ATP8A1: variants seen among roughly 807,000 people sequenced by gnomAD.
ATP8A1 encodes phospholipid-transporting ATPase IA.
Under a neutral mutation model 177.7 loss-of-function variants are expected in ATP8A1, and 90 were observed. The ratio of observed to expected loss-of-function variants is 0.51; its 90% CI spans 0.43 to 0.60. The LOEUF (loss-of-function observed/expected upper bound fraction) is 0.60, where lower values mean the gene tolerates loss of function less well. ATP8A1 is among the 20% of genes least tolerant of loss of function. The pLI, the probability that ATP8A1 is intolerant of heterozygous loss-of-function variation, is 0.00. For missense variants in ATP8A1, 1,072 were observed against 1,392.8 expected, an observed-to-expected ratio of 0.77 and a Z score of 3.67; for synonymous variants, 493 against 485.9, an observed-to-expected ratio of 1.01 and a Z score of -0.19.
chr4:42,414,738 G>A lies in ATP8A1; in HGVS notation c.3306-20C>T, dbSNP rs1713032685. 6.2e-7 allele frequency: 1 copy of A among 1,600,706 alleles called. No individual in the cohort carries two copies. Among genetic ancestry groups the A allele is most frequent in the Non-Finnish European group, 8.6e-7 (1 of 1,167,932 alleles). ...GTCAGGCTGCAGAGCAGGTGCAAATGTGTGAAATGAATTATCAACTCGGCA... is the reference window on the plus strand; with the variant it reads ...GTCAGGCTGCAGAGCAGGTGCAAATATGTGAAATGAATTATCAACTCGGCA... On this transcript the variant is annotated intron_variant, in intron 35 of 36. Transcript: ENST00000381668.
intron 33 of ATP8A1, among the ~76,000 whole-genome samples, chr4:42,435,323 G>C (rs964253332): frequency 6.6e-6 from 1 of 151,638 alleles, no homozygotes; most frequent in African/African-American, 2.4e-5. Context: ...CTACTCAGGA[G>C]GCTGAGGCAG....
intron 18 of ATP8A1, among the ~76,000 whole-genome samples, chr4:42,550,072 C>T (rs58055195): frequency 0.15 from 23,464 of 152,006 alleles, 1,918 homozygotes; most frequent in East Asian, 0.26. Context: ...GTGCCCTTTT[C>T]CAATCAACCT....
In ATP8A1 at chr4:42,475,556, T is replaced by C. The variant is rs556332698; in HGVS notation, c.2324+9940A>G. Among the ~76,000 whole-genome samples, 23 of 151,380 alleles carry C rather than the reference T, an allele frequency of 1.5e-4. No individual in the cohort carries two copies. In the South Asian group the frequency reaches 4.8e-3, roughly 32 times the overall value. ...ACGGTCAGAGAGAAATCTTTATATA[T>C]GACAGTATATAATATATACTGTCAG... is the stretch of plus-strand genomic sequence containing the variant. On this transcript the variant is annotated intron_variant, in intron 25 of 36. Coordinates refer to ENST00000381668, the MANE Select transcript of ATP8A1 (RefSeq NM_006095.2).
intron 5 of ATP8A1, among the ~76,000 whole-genome samples, chr4:42,609,270 C>T (rs1229740058): frequency 6.6e-6 from 1 of 152,118 alleles, no homozygotes. Context: ...AGGTGTGAGT[C>T]CCAGCAATCT....
At chr4:42,516,511 G>A (rs1447135740) in intron 22 of ATP8A1, among the ~76,000 whole-genome samples, 1 of 152,144 alleles carries the variant, frequency 6.6e-6, no homozygotes, top group Non-Finnish European at 1.5e-5. Context: ...TATAGCTTAC[G>A]CTGTTTTCTG....
At chr4:42,445,139 A>G (rs1484193301) in intron 31 of ATP8A1, among the ~76,000 whole-genome samples, 1 of 152,232 alleles carries the variant, frequency 6.6e-6, no homozygotes, top group Non-Finnish European at 1.5e-5. Flanking sequence ...GACATGAGAC[A>G]TTTCTCCATG....
At chr4:42,514,072 G>A (rs1233810578) in intron 22 of ATP8A1, among the ~76,000 whole-genome samples, 2 of 152,126 alleles carry the variant, frequency 1.3e-5, no homozygotes, top group East Asian at 1.9e-4. Context: ...CTAAGACTAA[G>A]AGCATTAAGT....
intron 1 of ATP8A1, among the ~76,000 whole-genome samples, chr4:42,634,372 G>A (rs746883146): frequency 1.3e-5 from 2 of 152,158 alleles, no homozygotes; most frequent in Non-Finnish European, 2.9e-5. Flanking sequence ...GATGTGTTGG[G>A]TTACATGTAT....
chr4:42,453,975 A>G (rs1718211955), intron 29 of ATP8A1, among the ~76,000 whole-genome samples: 1 of 152,254 alleles, frequency 6.6e-6, no homozygotes. Flanking sequence ...ATCACAAATA[A>G]ATTTAAAAAT....
chr4:42,633,930 C>T (rs958682894), intron 1 of ATP8A1, among the ~76,000 whole-genome samples: 1 of 152,130 alleles, frequency 6.6e-6, no homozygotes, highest in Admixed American at 6.6e-5. Flanking sequence ...AGGAAAAGCC[C>T]TGGAGGGGAG....
At chr4:42,507,600 G>A (rs868143627) in intron 22 of ATP8A1, among the ~76,000 whole-genome samples, 1 of 151,524 alleles carries the variant, frequency 6.6e-6, no homozygotes, top group Non-Finnish European at 1.5e-5. Flanking sequence ...ATGGTGGTGT[G>A]TGCCTGTAAT....
chr4:42,556,304 C>T (rs894315935), intron 15 of ATP8A1: 6 of 281,456 alleles, frequency 2.1e-5, no homozygotes, highest in African/African-American at 4.3e-5. Context: ...TAAATTATAT[C>T]GCAGCCACAT....
rs1302433876 is a variant in ATP8A1, at chr4:42,586,523, A to G, written c.595-47T>C. On this transcript the variant is annotated intron_variant, in intron 8 of 36. Transcript: ENST00000381668. ...GCAAAAAGTATATTAAATAAGTTGT[A>G]TCTGGGCAAAGAGGAGGAATTTTGA... 3 of 1,580,274 alleles carry G rather than the reference A, an allele frequency of 1.9e-6. No individual in the cohort carries two copies. The African/African-American group carries it at 4.1e-5, about 21-fold the overall frequency.
In ATP8A1 at chr4:42,578,407, G is replaced by T. The variant is rs776322988; in HGVS notation, c.1001-20C>A. ...CACCATCTGTTGGGAGAGGCAGGAA[G>T]AACGTCATTTACAGTTTTATATTTT... On this transcript the variant is annotated intron_variant, in intron 11 of 36. Transcript: ENST00000381668. The T allele has an allele frequency of 6.2e-7, 1 of 1,604,658 alleles. No individual in the cohort carries two copies. Among genetic ancestry groups the T allele is most frequent in the South Asian group, 1.1e-5 (1 of 89,080 alleles).
At position 42,574,656 on chromosome 4, in the gene ATP8A1, G is replaced by A; in HGVS notation, c.1258C>T (p.Gln420Ter). The change falls in exon 14 of 37, where the codon CAG becomes TAG. Residue 420 changes from glutamine (Q) to a stop codon, truncating the protein, a stop_gained. Transcript: ENST00000381668. LOFTEE classifies it high-confidence loss of function. The part of the protein sequence containing the change: ...KTGTLTCNVM[Q>*]FKKCTIAGVA... ...CCCGCTATGGTGCACTTCTTAAACT[G>A]CATTACATTGCATGTCAGAGTACCA... The A allele has an allele frequency of 6.2e-7, 1 of 1,607,946 alleles. No individual in the cohort carries two copies. The highest frequency in any genetic ancestry group is 8.5e-7 in the Non-Finnish European group (1 of 1,178,448).
chr4:42,414,543 T>G (rs1384948183), intron 36 of ATP8A1, 84 bp downstream of exon 36: 2 of 1,188,462 alleles, frequency 1.7e-6, no homozygotes, highest in Non-Finnish European at 2.5e-6. Context: ...TAAATAAATA[T>G]CCCTAAAGTC....
rs1286205739 is a variant in ATP8A1 at position 42,503,524 on chromosome 4, AAC to A, written c.2087-12_2087-11del. The A allele has an allele frequency of 8.3e-6, 13 of 1,563,302 alleles. No homozygotes were observed. The highest frequency in any genetic ancestry group is 8.1e-5 in the South Asian group (7 of 86,380). ...AGTTTGCAGGAGTGTCCTGTATCCA[AAC>A]ACAGAGTATATTAAAATTAATTTCT... On this transcript the variant is annotated splice_polypyrimidine_tract_variant and intron_variant, in intron 23 of 36. Coordinates refer to ENST00000381668, the MANE Select transcript of ATP8A1 (RefSeq NM_006095.2).
chr4:42,652,622 C>T (rs1009767712), intron 1 of ATP8A1, among the ~76,000 whole-genome samples: 1 of 152,076 alleles, frequency 6.6e-6, no homozygotes. Context: ...ATTGTTGCTC[C>T]CATAATCCCC....
rs189055486 is a variant in ATP8A1, at chr4:42,581,455, A to G, written c.834+166T>C. ...GCCCAAGCCATTCTTATAGGGAGGT[A>G]ATTTCAAGGTCCCACTCACAGGAGT... On this transcript the variant is annotated intron_variant, in intron 10 of 36. Coordinates refer to ENST00000381668, the MANE Select transcript of ATP8A1 (RefSeq NM_006095.2). Among the ~76,000 whole-genome samples the G allele has an allele frequency of 4.4e-3, 668 of 152,266 alleles. 2 individuals carry two copies. The highest frequency in any genetic ancestry group is 6.7e-3 in the Non-Finnish European group (455 of 68,016).
Sources: allele counts gnomAD v4.1 joint callset (sites outside exome capture counted in the v4.1 genomes callset), GRCh38; gene constraint gnomAD v4.1.1; transcripts MANE v1.5; gene names NCBI Gene and HGNC (gene_info 2026-07-23, HGNC 2026-07-21).